The following GRM8 variants were observed in gnomAD, a reference collection of about 807,000 sequenced individuals.
GRM8 encodes glutamate metabotropic receptor 8.
In GRM8, 47 loss-of-function variants were observed where a neutral mutation model predicts 87.2. That is an observed-to-expected ratio of 0.54 (90% CI 0.43 to 0.69). The LOEUF (loss-of-function observed/expected upper bound fraction) is 0.69. Ranked by LOEUF, GRM8 falls within the 30% of genes least tolerant of loss-of-function variation. The pLI, the probability that GRM8 is intolerant of heterozygous loss-of-function variation, is 0.00. For missense variants in GRM8, 1,019 were observed against 1,139.2 expected, an observed-to-expected ratio of 0.89 and a Z score of 1.52; for synonymous variants, 396 against 404.5, an observed-to-expected ratio of 0.98 and a Z score of 0.25.
At chr7:127,168,254 A>G (rs1793573859) in intron 2 of GRM8, among the ~76,000 whole-genome samples, 1 of 152,258 alleles carries the variant, frequency 6.6e-6, no homozygotes, top group East Asian at 1.9e-4. Flanking sequence ...CATATTTTAA[A>G]AAGCTCTTCA....
intron 8 of GRM8, among the ~76,000 whole-genome samples, chr7:126,544,331 C>T (rs372763574): frequency 2.0e-5 from 3 of 152,084 alleles, no homozygotes; most frequent in African/African-American, 7.2e-5. Flanking sequence ...GTAGGCCTGG[C>T]TTTAGGCAGT....
intron 7 of GRM8, among the ~76,000 whole-genome samples, chr7:126,718,971 G>A (rs917341378): frequency 3.9e-5 from 6 of 152,088 alleles, no homozygotes; most frequent in African/African-American, 1.4e-4. Context: ...TATATACTTT[G>A]GAAATAATTT....
chr7:126,868,551 G>C (rs761294129), intron 6 of GRM8, among the ~76,000 whole-genome samples: 1 of 152,320 alleles, frequency 6.6e-6, no homozygotes, highest in Non-Finnish European at 1.5e-5. Context: ...AGATTAAGTA[G>C]ACATTAATAG....
intron 6 of GRM8, among the ~76,000 whole-genome samples, chr7:126,875,240 G>A (rs1586281862): frequency 6.6e-6 from 1 of 151,226 alleles, no homozygotes; most frequent in Non-Finnish European, 1.5e-5. Context: ...GATATCAAAT[G>A]TCTTTAAAAG....
At chr7:127,216,198 T>C (rs1409960147) in intron 2 of GRM8, among the ~76,000 whole-genome samples, 1 of 152,110 alleles carries the variant, frequency 6.6e-6, no homozygotes, top group Non-Finnish European at 1.5e-5. Flanking sequence ...AATTGATCAA[T>C]AAGTAGAGAT....
chr7:127,094,984 C>T (rs532734556), intron 3 of GRM8, among the ~76,000 whole-genome samples: 1 of 152,192 alleles, frequency 6.6e-6, no homozygotes, highest in Non-Finnish European at 1.5e-5. Flanking sequence ...GGGCCCCATA[C>T]AATAGCCAGG....
At chr7:127,011,893 T>C (rs986887515) in intron 3 of GRM8, among the ~76,000 whole-genome samples, 2 of 152,194 alleles carry the variant, frequency 1.3e-5, no homozygotes, top group African/African-American at 4.8e-5. Context: ...GCCTCTCATT[T>C]GAATTACTTT....
intron 3 of GRM8, among the ~76,000 whole-genome samples, chr7:126,987,587 A>AG (rs1207919523): frequency 6.6e-6 from 1 of 152,014 alleles, no homozygotes; most frequent in Non-Finnish European, 1.5e-5. Flanking sequence ...CAGCCTCCCG[A>AG]GTACCTGGGA....
At position 126,452,964 on chromosome 7, in the gene GRM8, T is replaced by A. The variant is rs546729371; in HGVS notation, c.2431-6592A>T. On this transcript the variant is annotated intron_variant, in intron 9 of 10. Transcript: ENST00000339582. The stretch of plus-strand genomic sequence containing the variant: ...ATAGCTTTATTGTCATTATTTAACC[T>A]TGACAACCTGTTCTCTATTCATCTT... Among the ~76,000 whole-genome samples, 8 of 151,742 alleles carry A rather than the reference T, an allele frequency of 5.3e-5. No homozygotes were observed. In the South Asian group the frequency reaches 1.7e-3, roughly 31 times the overall value.
At chr7:127,192,460 C>T (rs946758999) in intron 2 of GRM8, among the ~76,000 whole-genome samples, 2 of 152,202 alleles carry the variant, frequency 1.3e-5, no homozygotes, top group African/African-American at 4.8e-5. Context: ...AGATTCTAGA[C>T]TATTCCAAAG....
chr7:127,225,416 G>A (rs998324585), intron 2 of GRM8, among the ~76,000 whole-genome samples: 1 of 152,016 alleles, frequency 6.6e-6, no homozygotes, highest in Non-Finnish European at 1.5e-5. Flanking sequence ...CCTCCTGGGG[G>A]AGAACAGTAC....
chr7:126,530,975 A>G (rs1351119030), intron 9 of GRM8, among the ~76,000 whole-genome samples: 2 of 151,994 alleles, frequency 1.3e-5, no homozygotes, highest in African/African-American at 4.8e-5. Context: ...TGCCCGGCTA[A>G]TTTTTTTATT....
At chr7:127,088,535 C>T (rs1823730988) in intron 3 of GRM8, among the ~76,000 whole-genome samples, 1 of 152,158 alleles carries the variant, frequency 6.6e-6, no homozygotes, top group South Asian at 2.1e-4. Context: ...GGAATTTTGG[C>T]TACTGTAACT....
At chr7:127,005,456 G>T (rs1209132777) in intron 3 of GRM8, among the ~76,000 whole-genome samples, 1 of 151,574 alleles carries the variant, frequency 6.6e-6, no homozygotes, top group Non-Finnish European at 1.5e-5. Context: ...AAAATAAAAT[G>T]CTAAGCTAAT....
rs77372160 is a variant in GRM8, at chr7:126,595,648, C to T, written c.1494+13714G>A. On this transcript the variant is annotated intron_variant, in intron 8 of 10. Coordinates refer to ENST00000339582, the MANE Select transcript of GRM8 (RefSeq NM_000845.3). ...TGACACCAAGGTAAGAAGCATAGTA[C>T]TTAATAGGGTACCCATGTTTCTGCA... 7.9e-3 allele frequency among the ~76,000 whole-genome samples: 1,202 copies of T among 151,912 alleles called. 11 individuals carry two copies. Among genetic ancestry groups the T allele is most frequent in the Middle Eastern group, 0.031 (9 of 294 alleles).
chr7:126,599,815 T>A (rs1474728022), intron 8 of GRM8, among the ~76,000 whole-genome samples: 1 of 152,142 alleles, frequency 6.6e-6, no homozygotes, highest in East Asian at 1.9e-4. Flanking sequence ...GAAAGAGACA[T>A]ATCCTTGGAT....
chr7:127,029,021 T>C (rs1490344983), intron 3 of GRM8, among the ~76,000 whole-genome samples: 1 of 152,222 alleles, frequency 6.6e-6, no homozygotes, highest in African/African-American at 2.4e-5. Context: ...GTCCCAGAGA[T>C]TCTGGTACGT....
chr7:126,558,301 TA>T (rs1456087657), intron 8 of GRM8, among the ~76,000 whole-genome samples: 8 of 152,316 alleles, frequency 5.3e-5, no homozygotes, highest in African/African-American at 1.9e-4. Context: ...AAAACATCCC[TA>T]TTGATATCAT....
chr7:126,954,123 T>C (rs927542527), intron 3 of GRM8, among the ~76,000 whole-genome samples: 2 of 152,124 alleles, frequency 1.3e-5, no homozygotes, highest in Non-Finnish European at 2.9e-5. Flanking sequence ...CATGTTGTTA[T>C]TGGTAAACTG....
Sources: allele counts gnomAD v4.1 joint callset (sites outside exome capture counted in the v4.1 genomes callset), GRCh38; gene constraint gnomAD v4.1.1; transcripts MANE v1.5; gene names NCBI Gene and HGNC (gene_info 2026-07-23, HGNC 2026-07-21).